LRP1B: variants seen among roughly 807,000 people sequenced by gnomAD.
The protein encoded by LRP1B is low-density lipoprotein receptor-related protein 1B.
A neutral mutation model predicts 556.6 loss-of-function variants in LRP1B; 217 were observed. The ratio of observed to expected loss-of-function variants is 0.39; its 90% CI spans 0.35 to 0.44. The LOEUF is 0.44. Among genes scored for constraint, LRP1B ranks in the 20% least tolerant of loss-of-function variants. The pLI is 1.00. For missense variants in LRP1B, 5,053 were observed against 5,620.8 expected (o/e 0.90, Z 3.23); for synonymous variants, 2,047 against 1,865.8 (o/e 1.10, Z -2.50).
At chr2:141,066,500 T>C (rs902692201) in intron 7 of LRP1B, among the ~76,000 whole-genome samples, 1 of 152,022 alleles carries the variant, frequency 6.6e-6, no homozygotes, top group Non-Finnish European at 1.5e-5. Flanking sequence ...GCAATTGTTA[T>C]ACATACTGAC....
chr2:141,653,056 T>C (rs572718229), intron 2 of LRP1B, among the ~76,000 whole-genome samples: 7 of 152,282 alleles, frequency 4.6e-5, no homozygotes, highest in Non-Finnish European at 1.0e-4. Flanking sequence ...TAATCAGAAG[T>C]GTACCATGTT....
chr2:141,091,406 A>G (rs1002627744), intron 7 of LRP1B, among the ~76,000 whole-genome samples: 1 of 152,232 alleles, frequency 6.6e-6, no homozygotes, highest in Non-Finnish European at 1.5e-5. Context: ...GATAAAAAAC[A>G]AAAACAACAA....
intron 2 of LRP1B, among the ~76,000 whole-genome samples, chr2:141,537,265 T>G (rs186178935): frequency 5.9e-5 from 9 of 152,174 alleles, no homozygotes; most frequent in Admixed American, 1.3e-4. Flanking sequence ...AAAAACTACA[T>G]ATAAAAATTC....
chr2:141,406,674 T>C (rs185426701), intron 3 of LRP1B, among the ~76,000 whole-genome samples: 13 of 152,126 alleles, frequency 8.5e-5, no homozygotes, highest in Admixed American at 8.5e-4. Flanking sequence ...GTAGCAAAAA[T>C]TAGTTGCAGT....
chr2:140,285,522 C>T (rs1045935913), intron 84 of LRP1B, among the ~76,000 whole-genome samples: 2 of 151,444 alleles, frequency 1.3e-5, no homozygotes, highest in African/African-American at 4.8e-5. Context: ...GGTCACCTGG[C>T]AGAATAATAT....
At position 141,979,581 on chromosome 2, in the gene LRP1B, A is replaced by G. The variant is rs543543450; in HGVS notation, c.82+151067T>C. On this transcript the variant is annotated intron_variant, in intron 1 of 90. Transcript: ENST00000389484. ...CTTGTTCCCTTCTACTTGTCTTCAT[A>G]TTTACATTCAACCTTCTTTTCAGTT... 4.1e-4 allele frequency among the ~76,000 whole-genome samples: 62 copies of G among 152,016 alleles called. No individual in the cohort carries two copies. The Middle Eastern group carries it at 0.014, about 33-fold the overall frequency.
Position 141,138,824 on chromosome 2 carries a change from T to C in LRP1B, c.1013+49597A>G, listed in dbSNP as rs28862002. ...CTTATCAGTTCAATGAAATATCCTC[T>C]AAAGTCGGTCACACTTTCTGTAAAT... On this transcript the variant is annotated intron_variant, in intron 7 of 90. Coordinates refer to ENST00000389484, the MANE Select transcript of LRP1B (RefSeq NM_018557.3). 7.4e-3 allele frequency among the ~76,000 whole-genome samples: 1,129 copies of C among 152,002 alleles called. 21 individuals are homozygous for C. The highest frequency in any genetic ancestry group is 0.024 in the African/African-American group (985 of 41,530).
intron 83 of LRP1B, among the ~76,000 whole-genome samples, chr2:140,311,928 C>T (rs531547269): frequency 1.3e-5 from 2 of 151,920 alleles, no homozygotes; most frequent in South Asian, 4.2e-4. Flanking sequence ...TATGTTTTGT[C>T]ATTAGTTTCA....
At chr2:141,072,964 TG>T (rs1699686985) in intron 7 of LRP1B, among the ~76,000 whole-genome samples, 1 of 152,126 alleles carries the variant, frequency 6.6e-6, no homozygotes, top group East Asian at 1.9e-4. Flanking sequence ...CTCTAAGACC[TG>T]ACTTCAGCAA....
At chr2:141,115,493 G>C (rs1305330563) in intron 7 of LRP1B, among the ~76,000 whole-genome samples, 1 of 121,480 alleles carries the variant, frequency 8.2e-6, no homozygotes. Flanking sequence ...TTCTGGCTCT[G>C]TCACCCAGAC....
chr2:142,018,723 A>G (rs930489696), intron 1 of LRP1B, among the ~76,000 whole-genome samples: 1 of 151,972 alleles, frequency 6.6e-6, no homozygotes, highest in African/African-American at 2.4e-5. Flanking sequence ...ATTAAGTCAA[A>G]TATAGAACTG....
chr2:140,536,310 T>TAAA (rs1690966308), intron 46 of LRP1B, among the ~76,000 whole-genome samples: 2 of 36,720 alleles, frequency 5.4e-5, no homozygotes, highest in African/African-American at 2.3e-4. Context: ...CCCCGTCTCT[T>TAAA]TAAAAAAAAA....
At chr2:140,350,275 C>T (rs1681896853) in intron 77 of LRP1B, among the ~76,000 whole-genome samples, 1 of 151,998 alleles carries the variant, frequency 6.6e-6, no homozygotes, top group African/African-American at 2.4e-5. Context: ...ACATGTCCAG[C>T]ATACACAAGT....
chr2:142,047,079 T>C (rs1432988227), intron 1 of LRP1B, among the ~76,000 whole-genome samples: 1 of 152,026 alleles, frequency 6.6e-6, no homozygotes, highest in Admixed American at 6.6e-5. Flanking sequence ...TCAAGCTTTG[T>C]ATGGAGATGG....
At chr2:141,197,466 T>C (rs1558926380) in intron 6 of LRP1B, among the ~76,000 whole-genome samples, 1 of 152,144 alleles carries the variant, frequency 6.6e-6, no homozygotes, top group East Asian at 1.9e-4. Flanking sequence ...TTCTCTTTGG[T>C]ATTTTTGGGT....
chr2:140,762,257 A>G (rs936013391), intron 35 of LRP1B, among the ~76,000 whole-genome samples: 1 of 152,208 alleles, frequency 6.6e-6, no homozygotes, highest in African/African-American at 2.4e-5. Context: ...AGGGGCAAAA[A>G]CCCAAAAGAA....
At chr2:141,482,588 G>GT (rs1453741891) in intron 2 of LRP1B, among the ~76,000 whole-genome samples, 1 of 151,590 alleles carries the variant, frequency 6.6e-6, no homozygotes, top group Non-Finnish European at 1.5e-5. Flanking sequence ...AAGTGAAAGG[G>GT]TTTTCACTGA....
intron 30 of LRP1B, 80 bp downstream of exon 30, chr2:140,840,838 T>G (rs1249433013): frequency 1.8e-6 from 2 of 1,104,544 alleles, no homozygotes. Context: ...ATCCTCTGAA[T>G]TAAGCAATGT....
intron 52 of LRP1B, 98 bp downstream of exon 52, chr2:140,509,830 A>G: frequency 6.7e-7 from 1 of 1,496,596 alleles, no homozygotes; most frequent in Non-Finnish European, 9.0e-7. Flanking sequence ...GAACTAGGAA[A>G]GCAATGGGAA....
Sources: allele counts gnomAD v4.1 joint callset (sites outside exome capture counted in the v4.1 genomes callset), GRCh38; gene constraint gnomAD v4.1.1; transcripts MANE v1.5; gene names NCBI Gene and HGNC (gene_info 2026-07-23, HGNC 2026-07-21).